The following MEMO1 variants were observed in gnomAD, a reference collection of about 807,000 sequenced individuals.
MEMO1 encodes the protein protein MEMO1.
Under a neutral mutation model 45.2 loss-of-function variants are expected in MEMO1, and 6 were observed. The ratio of observed to expected loss-of-function variants is 0.13; its 90% confidence interval spans 0.07 to 0.26. The LOEUF is 0.26. Ranked by LOEUF, MEMO1 falls within the 10% of genes least tolerant of loss-of-function variation. MEMO1 has a pLI of 1.00. For missense variants in MEMO1, 184 were observed against 370.5 expected (o/e 0.50, Z 4.13); for synonymous variants, 78 against 124.3 (o/e 0.63, Z 2.48).
At chr2:31,998,295 G>A (rs1035531110) in intron 2 of MEMO1, among the ~76,000 whole-genome samples, 1 of 152,136 alleles carries the variant, frequency 6.6e-6, no homozygotes, top group African/African-American at 2.4e-5. Context: ...TTACAGGCAT[G>A]AGCCACCAAG....
At chr2:31,937,867 A>G (rs1572741302) in intron 3 of MEMO1, among the ~76,000 whole-genome samples, 1 of 152,224 alleles carries the variant, frequency 6.6e-6, no homozygotes, top group Non-Finnish European at 1.5e-5. Flanking sequence ...TAAGCGATGC[A>G]TATCTGTACA....
chr2:31,920,992 T>G, intron 4 of MEMO1, 82 bp from the exon 5 acceptor site: 1 of 919,930 alleles, frequency 1.1e-6, no homozygotes, highest in Non-Finnish European at 1.7e-6. Flanking sequence ...AAAGTAATTC[T>G]TACAAATCAC....
chr2:31,933,336 AAAAAAAAAAAAAATT>A lies in MEMO1; in HGVS notation c.144-1216_144-1202del, dbSNP rs1558514078. Among the ~76,000 whole-genome samples, 9 of 57,452 alleles carry A rather than the reference AAAAAAAAAAAAAATT, an allele frequency of 1.6e-4. 2 individuals carry two copies. Among genetic ancestry groups the A allele is most frequent in the African/African-American group, 7.1e-4 (9 of 12,638 alleles). 37.7% of individuals were successfully genotyped at this position (57,452 alleles called of 152,430 possible). A position where few individuals can be genotyped will look rare whatever the true frequency, so the allele number is the denominator to read the frequency against. ...CCTCTTTAAAAAAAAAAAAAAAAAA[AAAAAAAAAAAAAATT>A]TATATATATATATATATATATATAT... On this transcript the variant is annotated intron_variant, in intron 3 of 9. Coordinates refer to ENST00000404530, the MANE Select transcript of MEMO1 (RefSeq NM_001301833.4).
intron 2 of MEMO1, among the ~76,000 whole-genome samples, chr2:31,973,811 A>C (rs1271416702): frequency 6.6e-6 from 1 of 152,212 alleles, no homozygotes; most frequent in Non-Finnish European, 1.5e-5. Flanking sequence ...ATGGGGGATA[A>C]GAGGAGGAAA....
chr2:31,984,121 T>G (rs1670988272), intron 2 of MEMO1, among the ~76,000 whole-genome samples: 1 of 152,220 alleles, frequency 6.6e-6, no homozygotes, highest in African/African-American at 2.4e-5. Flanking sequence ...TGGGTTGGAC[T>G]TCAGCGACTC....
chr2:31,949,802 T>C (rs1666624537), intron 2 of MEMO1, among the ~76,000 whole-genome samples: 2 of 152,180 alleles, frequency 1.3e-5, no homozygotes, highest in South Asian at 4.1e-4. Flanking sequence ...AGGGGATGGA[T>C]ACCCCATTCC....
At chr2:31,969,581 G>C (rs1305808118) in intron 2 of MEMO1, among the ~76,000 whole-genome samples, 10 of 109,962 alleles carry the variant, frequency 9.1e-5, no homozygotes, top group Non-Finnish European at 1.8e-4. Context: ...GGGGGTGTGT[G>C]TGTGGGTGTG....
chr2:31,976,892 C>T (rs368675790), intron 2 of MEMO1, among the ~76,000 whole-genome samples: 1 of 152,064 alleles, frequency 6.6e-6, no homozygotes, highest in African/African-American at 2.4e-5. Context: ...TATGGCTTAT[C>T]CTCTTTACCA....
chr2:31,960,739 C>T (rs539779525), intron 2 of MEMO1, among the ~76,000 whole-genome samples: 14 of 152,176 alleles, frequency 9.2e-5, no homozygotes, highest in African/African-American at 2.9e-4. Flanking sequence ...GCACCCACCA[C>T]CATACCCGGC....
At chr2:31,901,925 C>A (rs965316262) in intron 6 of MEMO1, among the ~76,000 whole-genome samples, 1 of 150,320 alleles carries the variant, frequency 6.7e-6, no homozygotes, top group Non-Finnish European at 1.5e-5. Context: ...AAAAAAAGTT[C>A]TAAAACTAGA....
intron 6 of MEMO1, among the ~76,000 whole-genome samples, chr2:31,914,579 C>T (rs576546533): frequency 1.3e-5 from 2 of 152,012 alleles, no homozygotes; most frequent in South Asian, 2.1e-4. Context: ...ACTGCATGAC[C>T]GTATCAAAAC....
At chr2:31,960,172 G>A (rs1387409550) in intron 2 of MEMO1, among the ~76,000 whole-genome samples, 3 of 151,780 alleles carry the variant, frequency 2.0e-5, no homozygotes, top group African/African-American at 7.3e-5. Context: ...ACTGCAGCCT[G>A]GGTGATAGAG....
chr2:31,975,186 A>C (rs1439173834), intron 2 of MEMO1, among the ~76,000 whole-genome samples: 1 of 152,164 alleles, frequency 6.6e-6, no homozygotes, highest in Non-Finnish European at 1.5e-5. Flanking sequence ...AAAACAAACA[A>C]ATAAATAAAT....
At chr2:31,912,393 A>C (rs1290813200) in intron 6 of MEMO1, among the ~76,000 whole-genome samples, 1 of 151,856 alleles carries the variant, frequency 6.6e-6, no homozygotes, top group Non-Finnish European at 1.5e-5. Flanking sequence ...CTTGCCTGTA[A>C]TCCCAGCCAC....
intron 4 of MEMO1, among the ~76,000 whole-genome samples, chr2:31,924,431 C>T (rs1195606903): frequency 6.7e-6 from 1 of 148,584 alleles, no homozygotes; most frequent in African/African-American, 2.5e-5. Flanking sequence ...AGCACATCAT[C>T]GGTGATACAC....
chr2:31,995,609 G>A (rs938618546), intron 2 of MEMO1, among the ~76,000 whole-genome samples: 4 of 150,432 alleles, frequency 2.7e-5, no homozygotes, highest in Non-Finnish European at 5.9e-5. Flanking sequence ...AAAGGAAACA[G>A]AAAAAAAGGG....
At chr2:31,880,465 A>G (rs1438300646) in intron 8 of MEMO1, among the ~76,000 whole-genome samples, 2 of 152,244 alleles carry the variant, frequency 1.3e-5, no homozygotes, top group Non-Finnish European at 1.5e-5. Context: ...TGGCTTTAAT[A>G]AAATATACTA....
intron 2 of MEMO1, among the ~76,000 whole-genome samples, chr2:31,989,668 A>T (rs1671701105): frequency 6.6e-6 from 1 of 152,250 alleles, no homozygotes; most frequent in Admixed American, 6.5e-5. Flanking sequence ...TTCAAAAGGT[A>T]CATCTTGATT....
intron 2 of MEMO1, among the ~76,000 whole-genome samples, chr2:31,959,828 C>T (rs527630984): frequency 7.4e-4 from 113 of 152,262 alleles, no homozygotes; most frequent in African/African-American, 2.6e-3. Context: ...ATTAATGTCA[C>T]GGGAAAGTCA....
Sources: allele counts gnomAD v4.1 joint callset (sites outside exome capture counted in the v4.1 genomes callset), GRCh38; gene constraint gnomAD v4.1.1; transcripts MANE v1.5; gene names NCBI Gene and HGNC (gene_info 2026-07-23, HGNC 2026-07-21).